The following PATJ variants were observed in gnomAD, a reference collection of about 807,000 sequenced individuals.
PATJ encodes the protein inaD-like protein.
A neutral mutation model predicts 224.9 loss-of-function variants in PATJ; 190 were observed. That is an observed-to-expected ratio of 0.84 (90% CI 0.75 to 0.95). The LOEUF is 0.95. Ranked by LOEUF, PATJ falls within the 40% of genes least tolerant of loss-of-function variation. The pLI, the probability that PATJ is intolerant of heterozygous loss-of-function variation, is 0.00. For synonymous variants in PATJ, 769 were observed against 820.3 expected, an observed-to-expected ratio of 0.94 and a Z score of 1.07; for missense variants, 2,121 against 2,270.3, an observed-to-expected ratio of 0.93 and a Z score of 1.34.
Position 61,766,407 on chromosome 1 carries a change from G to A in PATJ, c.318G>A (p.Gly106=), listed in dbSNP as rs1646275424. 1.8e-5 allele frequency: 29 copies of A among 1,612,658 alleles called. No individual in the cohort carries two copies. Among genetic ancestry groups the A allele is most frequent in the Non-Finnish European group, 2.5e-5 (29 of 1,179,560 alleles). ...CCTCTAATAACTCGACTGTATCTGGGTTATTTCCGTGGACCCCGAAGTTGG... is the reference window on the plus strand; with the variant it reads ...CCTCTAATAACTCGACTGTATCTGGATTATTTCCGTGGACCCCGAAGTTGG... ...HRPSNNSTVS[G]LFPWTPKLGN... The change falls in exon 4 of 44, where the codon GGG becomes GGA. Residue 106 remains glycine, a synonymous_variant. Transcript: ENST00000642238.
At chr1:61,826,403 C>A (rs1658264887) in intron 15 of PATJ, among the ~76,000 whole-genome samples, 1 of 88,394 alleles carries the variant, frequency 1.1e-5, no homozygotes, top group Non-Finnish European at 2.5e-5. Flanking sequence ...CTAGAAATAT[C>A]TTTAAAACAA....
intron 27 of PATJ, among the ~76,000 whole-genome samples, chr1:61,969,830 A>T (rs1258239253): frequency 1.3e-5 from 2 of 152,024 alleles, no homozygotes; most frequent in African/African-American, 4.8e-5. Flanking sequence ...AGTAGCTGGG[A>T]CTAGAGGTGC....
At chr1:61,972,208 A>G (rs1683073901) in intron 27 of PATJ, among the ~76,000 whole-genome samples, 1 of 152,000 alleles carries the variant, frequency 6.6e-6, no homozygotes, top group Admixed American at 6.5e-5. Flanking sequence ...GCATAATTTT[A>G]TACAATATTT....
intron 7 of PATJ, among the ~76,000 whole-genome samples, chr1:61,780,358 A>G (rs549581205): frequency 2.4e-4 from 37 of 152,178 alleles, no homozygotes; most frequent in Non-Finnish European, 4.7e-4. Context: ...CCAGCTACTC[A>G]GGAGGCTGAG....
intron 1 of PATJ, among the ~76,000 whole-genome samples, chr1:61,757,381 A>G (rs764815376): frequency 4.0e-5 from 6 of 150,514 alleles, no homozygotes; most frequent in Non-Finnish European, 8.9e-5. Flanking sequence ...CCTATTTTTC[A>G]TTATTTTTAT....
At chr1:61,768,140 G>A (rs762305241) in intron 4 of PATJ, among the ~76,000 whole-genome samples, 28 of 152,004 alleles carry the variant, frequency 1.8e-4, no homozygotes, top group Admixed American at 1.0e-3. Flanking sequence ...GTAAATGGTG[G>A]CCTTTTCAGA....
intron 1 of PATJ, among the ~76,000 whole-genome samples, chr1:61,757,216 G>A (rs1021392622): frequency 1.6e-4 from 24 of 151,316 alleles, no homozygotes; most frequent in Non-Finnish European, 4.4e-5. Context: ...GGACACAGGC[G>A]TGTGTTAACA....
intron 33 of PATJ, among the ~76,000 whole-genome samples, chr1:62,100,112 C>G (rs1027155311): frequency 2.9e-5 from 4 of 135,690 alleles, no homozygotes; most frequent in Admixed American, 7.2e-5. Flanking sequence ...GTCCTTAATA[C>G]TTGGTTCTCT....
At chr1:62,143,680 C>T (rs993369332) in intron 41 of PATJ, among the ~76,000 whole-genome samples, 5 of 152,040 alleles carry the variant, frequency 3.3e-5, no homozygotes, top group Non-Finnish European at 5.9e-5. Flanking sequence ...GAACTCTTTA[C>T]CTCAGGTGAT....
Position 61,997,315 on chromosome 1 carries a change from A to G in PATJ, c.3867+6951A>G, listed in dbSNP as rs116038003. ...TTTGTTACTCGTAAGATGATCTGCA[A>G]CCCGGTTCACAACTCTAAAAGTCAC... is the stretch of plus-strand genomic sequence containing the variant. On this transcript the variant is annotated intron_variant, in intron 28 of 43. Coordinates refer to ENST00000642238, the MANE Select transcript of PATJ (RefSeq NM_001350145.3). Among the ~76,000 whole-genome samples, 331 of 152,264 alleles carry G rather than the reference A, an allele frequency of 2.2e-3. 1 individual carries two copies. The highest frequency in any genetic ancestry group is 7.6e-3 in the African/African-American group (316 of 41,532).
At chr1:62,036,900 A>T (rs1159586391) in intron 29 of PATJ, among the ~76,000 whole-genome samples, 6 of 145,452 alleles carry the variant, frequency 4.1e-5, no homozygotes, top group Non-Finnish European at 9.0e-5. Context: ...AAAGGAAGGA[A>T]GGGAGGGAGG....
intron 27 of PATJ, among the ~76,000 whole-genome samples, chr1:61,952,884 T>G (rs1240578219): frequency 6.6e-6 from 1 of 152,230 alleles, no homozygotes; most frequent in Non-Finnish European, 1.5e-5. Context: ...ATTCAGCATT[T>G]TGTTATAGAT....
chr1:61,901,870 A>AT (rs2149167118), intron 24 of PATJ, among the ~76,000 whole-genome samples: 1 of 152,212 alleles, frequency 6.6e-6, no homozygotes, highest in African/African-American at 2.4e-5. Flanking sequence ...TGAAGACTCT[A>AT]TTGGGTGAGG....
In PATJ at chr1:62,018,824, G is replaced by A. The variant is rs970964197; in HGVS notation, c.3959+877G>A. ...AATCATTATTATTCTTCCCTTTCTC[G>A]TTAGTTACCAGCAGTAAGATCTGTC... On this transcript the variant is annotated intron_variant, in intron 29 of 43. Transcript: ENST00000642238. This position sits in a 1 kb window ranked among gnomAD's most constrained non-coding sequence, Gnocchi z 4.2. Among the ~76,000 whole-genome samples, 14 of 152,214 alleles carry A rather than the reference G, an allele frequency of 9.2e-5. No individual in the cohort carries two copies. Among genetic ancestry groups the A allele is most frequent in the South Asian group, 2.1e-4 (1 of 4,830 alleles).
intron 14 of PATJ, among the ~76,000 whole-genome samples, chr1:61,821,337 C>G (rs774289357): frequency 6.6e-6 from 1 of 152,174 alleles, no homozygotes; most frequent in Non-Finnish European, 1.5e-5. Flanking sequence ...AGCTATCATG[C>G]CCGGCCGGAA....
intron 41 of PATJ, among the ~76,000 whole-genome samples, chr1:62,139,191 G>A (rs2017593): frequency 0.99 from 149,947 of 152,010 alleles, 73,971 homozygotes; most frequent in East Asian, 1. Context: ...ACGTGAGGTT[G>A]GGAGTTTAAG....
At chr1:61,850,899 C>A (rs1662708665) in intron 17 of PATJ, among the ~76,000 whole-genome samples, 1 of 152,206 alleles carries the variant, frequency 6.6e-6, no homozygotes, top group South Asian at 2.1e-4. Context: ...GTAAGTGTTA[C>A]CAGCTGTTGT....
At chr1:61,912,674 G>A (rs1445186917) in intron 25 of PATJ, among the ~76,000 whole-genome samples, 1 of 127,438 alleles carries the variant, frequency 7.8e-6, no homozygotes, top group Non-Finnish European at 1.7e-5. Flanking sequence ...GGGAGGGAGG[G>A]AGGGGAGGGG....
intron 21 of PATJ, among the ~76,000 whole-genome samples, chr1:61,883,904 T>C (rs1668444744): frequency 6.6e-6 from 1 of 150,662 alleles, no homozygotes; most frequent in Non-Finnish European, 1.5e-5. Flanking sequence ...AGAGTACTTA[T>C]TAGGAAAGCT....
Sources: gnomAD v4.1 joint callset for allele counts (sites outside exome capture counted in the v4.1 genomes callset) on GRCh38, gnomAD v4.1.1 for gene constraint, Gnocchi (gnomAD v3.1) non-coding constraint, MANE v1.5 for transcripts, NCBI Gene and HGNC (gene_info 2026-07-23, HGNC 2026-07-21) for gene names.